SORCS3: variants seen among roughly 807,000 people sequenced by gnomAD.
SORCS3 encodes sortilin related VPS10 domain containing receptor 3, also known as VPS10 domain-containing receptor SorCS3.
A neutral mutation model predicts 146.3 loss-of-function variants in SORCS3; 57 were observed. That is an observed-to-expected ratio of 0.39 (90% CI 0.31 to 0.49). The LOEUF (loss-of-function observed/expected upper bound fraction) is 0.49, where lower values mean the gene tolerates loss of function less well. SORCS3 is among the 20% of genes least tolerant of loss of function. SORCS3 has a pLI of 0.92. For synonymous variants in SORCS3, 653 were observed against 618.5 expected (o/e 1.06, Z -0.83); for missense variants, 1,341 against 1,575.5 (o/e 0.85, Z 2.52).
At chr10:105,256,984 C>G (rs1232610085) in intron 25 of SORCS3, 60 bp downstream of exon 25, 9 of 1,178,248 alleles carry the variant, frequency 7.6e-6, no homozygotes, top group South Asian at 5.0e-5. Context: ...ATGATTCTTC[C>G]TATAACTAAC....
chr10:104,701,113 A>G (rs1030903072), intron 1 of SORCS3, among the ~76,000 whole-genome samples: 1 of 152,148 alleles, frequency 6.6e-6, no homozygotes, highest in African/African-American at 2.4e-5. Flanking sequence ...TTTTGTTCCT[A>G]TTTACTGTGA....
At chr10:105,234,512 ATT>A (rs1037760519) in intron 20 of SORCS3, among the ~76,000 whole-genome samples, 1 of 140,566 alleles carries the variant, frequency 7.1e-6, no homozygotes, top group Non-Finnish European at 1.6e-5. Context: ...CATTTATACC[ATT>A]TTTAGTTGTT....
intron 17 of SORCS3, among the ~76,000 whole-genome samples, chr10:105,212,598 C>A (rs1049133890): frequency 6.6e-6 from 1 of 151,794 alleles, no homozygotes; most frequent in East Asian, 1.9e-4. Flanking sequence ...TCCCAAATAG[C>A]TAACAAAATA....
At chr10:105,174,131 G>A (rs926543318) in intron 13 of SORCS3, among the ~76,000 whole-genome samples, 13 of 152,164 alleles carry the variant, frequency 8.5e-5, no homozygotes, top group African/African-American at 3.1e-4. Context: ...TGCCAGATCA[G>A]GCACATAGTA....
At chr10:105,242,700 T>TTA (rs1277397239) in intron 20 of SORCS3, among the ~76,000 whole-genome samples, 32 of 99,660 alleles carry the variant, frequency 3.2e-4, no homozygotes, top group African/African-American at 1.3e-3. Context: ...TTATATACAT[T>TTA]TATATATTTA....
At chr10:105,098,037 A>T (rs961373457) in intron 6 of SORCS3, among the ~76,000 whole-genome samples, 1 of 152,248 alleles carries the variant, frequency 6.6e-6, no homozygotes, top group African/African-American at 2.4e-5. Flanking sequence ...AATTCCAGGC[A>T]TATGTAAGTA....
At chr10:105,163,974 A>C (rs552954696) in intron 11 of SORCS3, among the ~76,000 whole-genome samples, 1 of 150,878 alleles carries the variant, frequency 6.6e-6, no homozygotes, top group Non-Finnish European at 1.5e-5. Flanking sequence ...CTACTCTTCC[A>C]CTCTTTGCTT....
chr10:104,839,431 G>T (rs1360251743), intron 1 of SORCS3, among the ~76,000 whole-genome samples: 1 of 152,210 alleles, frequency 6.6e-6, no homozygotes, highest in Non-Finnish European at 1.5e-5. Flanking sequence ...GTGATACAAT[G>T]ATAGAGCATG....
At chr10:105,048,974 T>G (rs1399447881) in intron 5 of SORCS3, among the ~76,000 whole-genome samples, 1 of 152,150 alleles carries the variant, frequency 6.6e-6, no homozygotes, top group Non-Finnish European at 1.5e-5. Context: ...CTGTTTTATT[T>G]TTTATCAGAC....
chr10:104,747,064 G>C lies in SORCS3; in HGVS notation c.628-95728G>C, dbSNP rs149058877. Reference sequence around the variant, plus strand: ...TCTGTGTGAATTCACGTTCATGCTTGCTCTACTAAGGGTGGCTCACTTCCT... The same window carrying C: ...TCTGTGTGAATTCACGTTCATGCTTCCTCTACTAAGGGTGGCTCACTTCCT... On this transcript the variant is annotated intron_variant, in intron 1 of 26. Coordinates refer to ENST00000369701, the MANE Select transcript of SORCS3 (RefSeq NM_014978.3). Among the ~76,000 whole-genome samples, 193 of 152,302 alleles carry C rather than the reference G, an allele frequency of 1.3e-3. 1 individual carries two copies. The highest frequency in any genetic ancestry group is 2.1e-3 in the Non-Finnish European group (144 of 68,022).
chr10:104,990,696 G>A (rs1370807805), intron 4 of SORCS3, among the ~76,000 whole-genome samples: 1 of 152,140 alleles, frequency 6.6e-6, no homozygotes, highest in Non-Finnish European at 1.5e-5. Context: ...ACCCAATATA[G>A]TCATAAGGGT....
chr10:105,251,709 C>T lies in SORCS3; in HGVS notation c.3106-1066C>T, dbSNP rs1348591131. Reference sequence around the variant, plus strand: ...GACACACAGGAAAGAACAAGCTTACCCTTCACGGGGGAGAACTCAGCATCC... The same window carrying T: ...GACACACAGGAAAGAACAAGCTTACTCTTCACGGGGGAGAACTCAGCATCC... On this transcript the variant is annotated intron_variant, in intron 22 of 26. Transcript: ENST00000369701. Among the ~76,000 whole-genome samples, 3 of 152,222 alleles carry T rather than the reference C, an allele frequency of 2.0e-5. No individual in the cohort carries two copies. In the East Asian group the frequency reaches 5.8e-4, roughly 29 times the overall value.
intron 8 of SORCS3, among the ~76,000 whole-genome samples, chr10:105,140,926 A>G (rs999723835): frequency 1.3e-5 from 2 of 152,286 alleles, no homozygotes; most frequent in Middle Eastern, 6.8e-3. Flanking sequence ...GAGATATTCC[A>G]GCTTGGAGAA....
chr10:105,172,473 T>A (rs1395370533), intron 13 of SORCS3, among the ~76,000 whole-genome samples: 4 of 152,206 alleles, frequency 2.6e-5, no homozygotes, highest in Admixed American at 6.5e-5. Context: ...TTATTCTATC[T>A]GTATGTTAAA....
At chr10:104,774,468 C>T (rs77079533) in intron 1 of SORCS3, among the ~76,000 whole-genome samples, 241 of 152,262 alleles carry the variant, frequency 1.6e-3, no homozygotes, top group Non-Finnish European at 2.7e-3. Context: ...ATGGTGTCTG[C>T]CATGTGTTGA....
At chr10:104,810,552 G>A (rs752283514) in intron 1 of SORCS3, among the ~76,000 whole-genome samples, 4 of 152,116 alleles carry the variant, frequency 2.6e-5, no homozygotes, top group Admixed American at 6.5e-5. Flanking sequence ...TTATTTGGCT[G>A]TTTATGTTGT....
chr10:105,023,747 T>C (rs2055211190), intron 4 of SORCS3, among the ~76,000 whole-genome samples: 1 of 151,714 alleles, frequency 6.6e-6, no homozygotes, highest in Non-Finnish European at 1.5e-5. Context: ...CTTGTGTTCC[T>C]CGCCTGGGGA....
intron 1 of SORCS3, among the ~76,000 whole-genome samples, chr10:104,651,702 C>A (rs934686234): frequency 6.6e-6 from 1 of 151,538 alleles, no homozygotes; most frequent in Non-Finnish European, 1.5e-5. Context: ...AGTGAGACTC[C>A]GTCTCAAAAA....
At chr10:105,244,648 G>GT (rs573994386) in intron 20 of SORCS3, among the ~76,000 whole-genome samples, 14 of 152,068 alleles carry the variant, frequency 9.2e-5, no homozygotes, top group African/African-American at 2.7e-4. Context: ...TCACAAATAT[G>GT]TTTTTTTGTG....
Sources: gnomAD v4.1 joint callset for allele counts (sites outside exome capture counted in the v4.1 genomes callset) on GRCh38, gnomAD v4.1.1 for gene constraint, MANE v1.5 for transcripts, NCBI Gene and HGNC (gene_info 2026-07-23, HGNC 2026-07-21) for gene names.